SEM1: variants seen among roughly 807,000 people sequenced by gnomAD.
SEM1 encodes SEM1 26S proteasome subunit, also known as 26S proteasome complex subunit SEM1.
Under a neutral mutation model 12.7 loss-of-function variants are expected in SEM1, and 3 were observed. The observed-to-expected ratio is 0.24, with a 90% CI of 0.11 to 0.61. The LOEUF (loss-of-function observed/expected upper bound fraction) is 0.61, where lower values mean the gene tolerates loss of function less well. SEM1 is among the 20% of genes least tolerant of loss of function. The pLI is 0.88. For missense variants in SEM1, 59 were observed against 81.3 expected (o/e 0.73, Z 1.06); for synonymous variants, 30 against 27.8 (o/e 1.08, Z -0.25).
At chr7:96,555,400 C>T (rs1206753784) in intron 2 of SEM1, among the ~76,000 whole-genome samples, 2 of 149,894 alleles carry the variant, frequency 1.3e-5, no homozygotes, top group African/African-American at 2.5e-5. Context: ...TCTTTGTTCT[C>T]GTTGGTTTCA....
intron 2 of SEM1, among the ~76,000 whole-genome samples, chr7:96,660,245 G>A (rs1002986013): frequency 3.9e-5 from 6 of 152,104 alleles, no homozygotes; most frequent in African/African-American, 1.4e-4. Flanking sequence ...TCCCCAGGAA[G>A]ATCCAACAAT....
intron 2 of SEM1, among the ~76,000 whole-genome samples, chr7:96,632,739 C>T (rs1348568048): frequency 4.7e-5 from 7 of 149,718 alleles, no homozygotes; most frequent in African/African-American, 1.7e-4. Flanking sequence ...GAATGCTCAC[C>T]TGATTTTTTG....
intron 2 of SEM1, among the ~76,000 whole-genome samples, chr7:96,576,724 G>C (rs553668317): frequency 1.3e-5 from 2 of 152,016 alleles, no homozygotes. Flanking sequence ...TGTTCCTGAG[G>C]TAGTTTTCTT....
intron 2 of SEM1, among the ~76,000 whole-genome samples, chr7:96,524,932 T>TAAC (rs1804402851): frequency 1.3e-5 from 2 of 152,126 alleles, no homozygotes; most frequent in South Asian, 4.1e-4. Flanking sequence ...CCATATCCAT[T>TAAC]TCAATTAATT....
chr7:96,591,817 T>G (rs1479530039), intron 2 of SEM1, among the ~76,000 whole-genome samples: 4 of 151,510 alleles, frequency 2.6e-5, no homozygotes, highest in African/African-American at 9.7e-5. Context: ...AATGGAGTTT[T>G]TTTTTTTTTT....
At chr7:96,499,813 A>G (rs193056902), upstream of SEM1, among the ~76,000 whole-genome samples, 338 of 152,296 alleles carry the variant, frequency 2.2e-3, 11 homozygotes, top group Admixed American at 0.022. Context: ...AACAATTCCT[A>G]CAATTTTGAT....
At chr7:96,680,209 C>G (rs1413986965) in intron 2 of SEM1, among the ~76,000 whole-genome samples, 3 of 152,044 alleles carry the variant, frequency 2.0e-5, no homozygotes, top group Non-Finnish European at 4.4e-5. Context: ...GATATACACT[C>G]TTTTTTAGCT....
intron 1 of SEM1, among the ~76,000 whole-genome samples, chr7:96,701,246 A>G (rs1303290590): frequency 6.6e-6 from 1 of 151,810 alleles, no homozygotes; most frequent in Non-Finnish European, 1.5e-5. Context: ...TGGCCCCCCA[A>G]AACCCCCCCA....
chr7:96,486,815 A>C (rs1802789131), intron 1 of SEM1, among the ~76,000 whole-genome samples: 1 of 152,168 alleles, frequency 6.6e-6, no homozygotes, highest in African/African-American at 2.4e-5. Context: ...GTTCTTCCTT[A>C]AACAAAGGCA....
intron 2 of SEM1, among the ~76,000 whole-genome samples, chr7:96,567,929 CAT>C (rs1474443146): frequency 6.7e-6 from 1 of 149,542 alleles, no homozygotes; most frequent in Admixed American, 6.6e-5. Context: ...TACACACACA[CAT>C]GCACACACAT....
intron 2 of SEM1, among the ~76,000 whole-genome samples, chr7:96,509,153 ATTTTT>A (rs71127457): frequency 8.3e-6 from 1 of 120,818 alleles, no homozygotes. Flanking sequence ...CGTCCAGCTA[ATTTTT>A]TTTTTTTTTT....
chr7:96,557,825 G>T (rs1805570572), intron 2 of SEM1, among the ~76,000 whole-genome samples: 3 of 152,120 alleles, frequency 2.0e-5, no homozygotes. Flanking sequence ...TCAGACTGCT[G>T]TGCTAGCAAT....
chr7:96,543,493 T>G (rs527385936), intron 2 of SEM1, among the ~76,000 whole-genome samples: 1 of 152,074 alleles, frequency 6.6e-6, no homozygotes, highest in East Asian at 1.9e-4. Context: ...GTCCAATGTT[T>G]CAAATGTCTA....
At chr7:96,596,549 A>G (rs1372345795) in intron 2 of SEM1, among the ~76,000 whole-genome samples, 2 of 152,028 alleles carry the variant, frequency 1.3e-5, no homozygotes, top group South Asian at 2.1e-4. Context: ...GGACCAGCCT[A>G]TTTTCTCCCC....
At chr7:96,551,743 A>G (rs1313946150) in intron 2 of SEM1, among the ~76,000 whole-genome samples, 3 of 146,752 alleles carry the variant, frequency 2.0e-5, no homozygotes, top group Non-Finnish European at 4.5e-5. Context: ...AAAAAGAATT[A>G]CATACACACA....
At chr7:96,483,864 A>G in exon 4 of SEM1, 1 of 1,536,714 alleles carries the variant, frequency 6.5e-7, no homozygotes. Flanking sequence ...TGCTGCTAGC[A>G]AGTTCTTTCT....
At chr7:96,560,947 A>T (rs904237763) in intron 2 of SEM1, among the ~76,000 whole-genome samples, 1 of 151,980 alleles carries the variant, frequency 6.6e-6, no homozygotes, top group African/African-American at 2.4e-5. Context: ...GTGCTGTTTA[A>T]TTTAATTTTA....
intron 2 of SEM1, among the ~76,000 whole-genome samples, chr7:96,575,719 C>T (rs1396476299): frequency 6.6e-6 from 1 of 152,180 alleles, no homozygotes; most frequent in African/African-American, 2.4e-5. Flanking sequence ...TGTGGCGCTG[C>T]GGTGGGCTCT....
chr7:96,615,230 TTTTGAGTCATC>T (rs1195172182), intron 2 of SEM1, among the ~76,000 whole-genome samples: 3 of 138,190 alleles, frequency 2.2e-5, no homozygotes, highest in Admixed American at 7.7e-5. Context: ...TTGGGTTATT[TTTTGAGTCATC>T]TTTTTTTTTT....
Sources: allele counts gnomAD v4.1 joint callset (sites outside exome capture counted in the v4.1 genomes callset), GRCh38; gene constraint gnomAD v4.1.1; transcripts MANE v1.5; gene names NCBI Gene and HGNC (gene_info 2026-07-23, HGNC 2026-07-21).